The following CBFA2T3 variants were observed in gnomAD, a reference collection of about 807,000 sequenced individuals.
CBFA2T3 encodes CBFA2/RUNX1 partner transcriptional co-repressor 3.
Under a neutral mutation model 58.6 loss-of-function variants are expected in CBFA2T3, and 31 were observed. The observed-to-expected ratio is 0.53, with a 90% CI of 0.40 to 0.71. CBFA2T3 has a LOEUF of 0.71. Ranked by LOEUF, CBFA2T3 falls within the 30% of genes least tolerant of loss-of-function variation. The probability of loss-of-function intolerance (pLI) is 0.00; values close to 1 mark genes in which losing one functional copy is unlikely to be tolerated. For synonymous variants in CBFA2T3, 531 were observed against 421.9 expected (o/e 1.26, Z -3.17); for missense variants, 1,076 against 963.1 (o/e 1.12, Z -1.55).
At chr16:88,947,153 A>G (rs966281659) in intron 1 of CBFA2T3, among the ~76,000 whole-genome samples, 1 of 152,276 alleles carries the variant, frequency 6.6e-6, no homozygotes, top group Non-Finnish European at 1.5e-5. Context: ...CACCAGTGCC[A>G]GGTGCAATGT....
Position 88,955,981 on chromosome 16 carries a change from A to G in CBFA2T3, c.151+20676T>C, listed in dbSNP as rs1290062267. 2.7e-5 allele frequency among the ~76,000 whole-genome samples: 4 copies of G among 150,582 alleles called. No individual in the cohort carries two copies. In the South Asian group the frequency reaches 8.4e-4, roughly 32 times the overall value. Reference sequence around the variant, plus strand: ...CAGCCAAGGCTCCTGACCCCGCCCAAGGCTCCTGACCCCAGCCAAGGCTCC... The same window carrying G: ...CAGCCAAGGCTCCTGACCCCGCCCAGGGCTCCTGACCCCAGCCAAGGCTCC... On this transcript the variant is annotated intron_variant, in intron 1 of 11. Transcript: ENST00000268679.
intron 1 of CBFA2T3, among the ~76,000 whole-genome samples, chr16:88,972,383 C>T (rs926116588): frequency 2.0e-5 from 3 of 152,130 alleles, no homozygotes; most frequent in African/African-American, 7.2e-5. Context: ...CTGAGGACTT[C>T]CTGCCTCTGT....
At chr16:88,923,102 C>A (rs477639) in intron 1 of CBFA2T3, among the ~76,000 whole-genome samples, 1 of 152,004 alleles carries the variant, frequency 6.6e-6, no homozygotes, top group Non-Finnish European at 1.5e-5. Flanking sequence ...CTCCCCAATT[C>A]GCCAAATGTG....
rs774055332 is a variant in CBFA2T3, at chr16:88,976,797, G to C, written c.11C>G (p.Ser4Ter). 3 of 1,553,836 alleles carry C rather than the reference G, an allele frequency of 1.9e-6. No individual in the cohort carries two copies. The highest frequency in any genetic ancestry group is 2.6e-6 in the Non-Finnish European group (3 of 1,148,012). Residue 4 changes from serine (S) to a stop codon, truncating the protein, a stop_gained, in exon 1 of 12, where the codon TCA becomes TGA. Coordinates refer to ENST00000268679, the MANE Select transcript of CBFA2T3 (RefSeq NM_005187.6). LOFTEE classifies it high-confidence loss of function. ...ACTGGCTGCCCTGTCCCTCAGTCTT[G>C]AAGCCGGCATGAGGAGGGCCACCCT... MPA[S>*]RLRDRAASSA... is the part of the protein sequence containing the mutation.
intron 1 of CBFA2T3, among the ~76,000 whole-genome samples, chr16:88,935,298 C>A (rs997119441): frequency 2.0e-5 from 3 of 152,170 alleles, no homozygotes; most frequent in African/African-American, 7.2e-5. Context: ...GGCTGTGGAG[C>A]CCTGGTGTGG....
At chr16:88,971,997 G>A (rs1172244780) in intron 1 of CBFA2T3, among the ~76,000 whole-genome samples, 1 of 152,228 alleles carries the variant, frequency 6.6e-6, no homozygotes, top group Non-Finnish European at 1.5e-5. Flanking sequence ...TCCTAGAGCC[G>A]CCCCCATGGG....
chr16:88,942,601 G>C (rs1971780746), intron 1 of CBFA2T3, among the ~76,000 whole-genome samples: 1 of 152,160 alleles, frequency 6.6e-6, no homozygotes, highest in South Asian at 2.1e-4. Context: ...GCTCCGTGAG[G>C]GGGAGGACAG....
intron 1 of CBFA2T3, among the ~76,000 whole-genome samples, chr16:88,967,831 C>A (rs1597799383): frequency 6.6e-6 from 1 of 152,194 alleles, no homozygotes; most frequent in Admixed American, 6.5e-5. Flanking sequence ...CTCAGGACGC[C>A]CCCTGCCCCG....
At chr16:88,917,836 G>C (rs1276032669) in intron 1 of CBFA2T3, among the ~76,000 whole-genome samples, 2 of 152,212 alleles carry the variant, frequency 1.3e-5, no homozygotes, top group African/African-American at 4.8e-5. Context: ...AGACGAGAGT[G>C]TGGGTGTGGA....
At chr16:88,883,938 C>T (rs950883578) in intron 7 of CBFA2T3, 1 of 152,284 alleles carries the variant, frequency 6.6e-6, no homozygotes, top group Non-Finnish European at 1.5e-5. Flanking sequence ...GGGCCCTTTT[C>T]AGCCCCTAAA....
intron 1 of CBFA2T3, among the ~76,000 whole-genome samples, chr16:88,952,038 G>A (rs1972087017): frequency 6.6e-6 from 1 of 152,188 alleles, no homozygotes; most frequent in Non-Finnish European, 1.5e-5. Context: ...GGTGGGTTTG[G>A]GTCTCCCCGG....
At chr16:88,877,395 C>A in intron 11 of CBFA2T3, 120 bp from the exon 12 acceptor site, 1 of 773,798 alleles carries the variant, frequency 1.3e-6, no homozygotes, top group Non-Finnish European at 2.0e-6. Flanking sequence ...AGAGAAACTC[C>A]AAAGCCCCAC....
chr16:88,916,576 G>GA (rs1970743958), intron 1 of CBFA2T3, among the ~76,000 whole-genome samples: 1 of 128,994 alleles, frequency 7.8e-6, no homozygotes, highest in Admixed American at 1.0e-4. Context: ...CGGCCTGAGT[G>GA]AAAGGTGGTC....
chr16:88,885,983 C>T lies in CBFA2T3; in HGVS notation c.871G>A (p.Gly291Ser), dbSNP rs146833832. Residue 291 changes from glycine to serine, a missense_variant, in exon 6 of 12, where the codon GGC (glycine) becomes AGC (serine). Gly to Ser is a moderately conservative substitution (Grantham distance 56, BLOSUM62 0). Transcript: ENST00000268679. This position sits in a 1 kb window ranked among gnomAD's most constrained non-coding sequence, Gnocchi z 5.3. ...SELLLEVNENGKRRTPDRTKE... is the reference protein window; with the variant it reads ...SELLLEVNENSKRRTPDRTKE... ...TACCTGTCGGGCGTCCTCCTCTTGC[C>T]GTTCTCGTTGACTTCCAGTAGCAGC... 7.2e-5 allele frequency: 111 copies of T among 1,551,594 alleles called. No homozygotes were observed. The African/African-American group carries it at 1.2e-3, about 17-fold the overall frequency.
chr16:88,975,253 C>CCTGCAGCCATGTCAGAGGTCCACCCTGAT (rs1972822717), intron 1 of CBFA2T3, among the ~76,000 whole-genome samples: 1 of 125,370 alleles, frequency 8.0e-6, no homozygotes, highest in Non-Finnish European at 1.8e-5. Context: ...CCCGCCCTGA[C>CCTGCAGCCATGTCAGAGGTCCACCCTGAT]CCTCTGTTTC....
At chr16:88,908,416 C>T (rs1970410741) in intron 1 of CBFA2T3, among the ~76,000 whole-genome samples, 1 of 152,112 alleles carries the variant, frequency 6.6e-6, no homozygotes, top group African/African-American at 2.4e-5. Flanking sequence ...ATGGGAGAGG[C>T]CGTTTCTTTC....
At chr16:88,929,912 C>T (rs867838127) in intron 1 of CBFA2T3, among the ~76,000 whole-genome samples, 4 of 141,122 alleles carry the variant, frequency 2.8e-5, no homozygotes, top group East Asian at 4.3e-4. Context: ...ACAGCTGCAT[C>T]GTCCACGCAA....
intron 1 of CBFA2T3, among the ~76,000 whole-genome samples, chr16:88,919,223 G>C (rs1322995427): frequency 6.6e-6 from 1 of 152,014 alleles, no homozygotes; most frequent in Non-Finnish European, 1.5e-5. Flanking sequence ...AGCCAATCGG[G>C]ACAAATACAG....
intron 1 of CBFA2T3, among the ~76,000 whole-genome samples, chr16:88,924,323 G>A (rs369440150): frequency 6.6e-5 from 10 of 152,196 alleles, no homozygotes; most frequent in East Asian, 1.9e-4. Context: ...CGCTCCAGTC[G>A]CCCTGCACAA....
Sources: gnomAD v4.1 joint callset for allele counts (sites outside exome capture counted in the v4.1 genomes callset) on GRCh38, gnomAD v4.1.1 for gene constraint, Gnocchi (gnomAD v3.1) non-coding constraint, MANE v1.5 for transcripts, NCBI Gene and HGNC (gene_info 2026-07-23, HGNC 2026-07-21) for gene names.